Variants in SHPRH observed in about 807,000 individuals in gnomAD.
SHPRH encodes the protein E3 ubiquitin-protein ligase SHPRH.
A neutral mutation model predicts 202.5 loss-of-function variants in SHPRH; 106 were observed. The ratio of observed to expected loss-of-function variants is 0.52; its 90% CI spans 0.45 to 0.62. The LOEUF is 0.62. Ranked by LOEUF, SHPRH falls within the 20% of genes least tolerant of loss-of-function variation. The probability of loss-of-function intolerance (pLI) is 0.00; values close to 1 mark genes in which losing one functional copy is unlikely to be tolerated. For synonymous variants in SHPRH, 729 were observed against 686.0 expected, an observed-to-expected ratio of 1.06 and a Z score of -0.98; for missense variants, 1,710 against 2,020.0, an observed-to-expected ratio of 0.85 and a Z score of 2.94.
intron 5 of SHPRH, 90 bp from the exon 6 acceptor site, chr6:145,947,733 C>G (rs985337207): frequency 7.7e-5 from 111 of 1,435,548 alleles, no homozygotes; most frequent in Non-Finnish European, 1.0e-4. Context: ...GAACTGGAAG[C>G]AATGCATAAA....
At position 145,884,927 on chromosome 6, in the gene SHPRH, CA is replaced by C. The variant is rs1780868940; in HGVS notation, c.*1763del. ...GTAATTTGATTTTACAAAATTGAAG[CA>C]TATCAAATTGTTTTCTCTAAAACAT... On this transcript the variant is annotated 3_prime_UTR_variant, in exon 30 of 30. Transcript: ENST00000275233. 1 of 151,942 alleles carries C rather than the reference CA, an allele frequency of 6.6e-6. No individual in the cohort carries two copies. The highest frequency in any genetic ancestry group is 1.5e-5 in the Non-Finnish European group (1 of 67,976). 9.4% of individuals were successfully genotyped at this position (151,942 alleles called of 1,614,324 possible). A position where few individuals can be genotyped will look rare whatever the true frequency, so the allele number is the denominator to read the frequency against.
intron 2 of SHPRH, among the ~76,000 whole-genome samples, chr6:145,879,470 C>T (rs979601252): frequency 1.3e-5 from 2 of 152,114 alleles, no homozygotes; most frequent in African/African-American, 4.8e-5. Context: ...AGTTTATCTG[C>T]ACTTAAAAAA....
chr6:145,919,511 A>G lies in SHPRH; in HGVS notation c.4009-20T>C. On this transcript the variant is annotated intron_variant, in intron 21 of 29. Coordinates refer to ENST00000275233, the MANE Select transcript of SHPRH (RefSeq NM_001042683.3). ...AAGCAACTGAAGGAATAGAAAAGAC[A>G]AACACAGTGGTAAAGCATGTAATTA... 6.2e-7 allele frequency: 1 copy of G among 1,611,112 alleles called. No individual in the cohort carries two copies. The highest frequency in any genetic ancestry group is 8.5e-7 in the Non-Finnish European group (1 of 1,178,438).
rs1784711450 is a variant in SHPRH at position 145,924,686 on chromosome 6, C to CA, written c.3402+52dup. The CA allele has an allele frequency of 1.9e-6, 3 of 1,547,400 alleles. No homozygotes were observed. In the African/African-American group the frequency reaches 4.1e-5, roughly 21 times the overall value. On this transcript the variant is annotated intron_variant, in intron 17 of 29. Coordinates refer to ENST00000275233, the MANE Select transcript of SHPRH (RefSeq NM_001042683.3). ...TTCTCCCCACCAAAAAACCAAAACT[C>CA]AAAATGATATCTGGAGGCAAATACA...
intron 25 of SHPRH, 155 bp downstream of exon 25, chr6:145,910,293 A>T: frequency 1.3e-6 from 1 of 756,950 alleles, no homozygotes; most frequent in Non-Finnish European, 2.1e-6. Context: ...TTACATGGTT[A>T]AGCTGAGGCT....
intron 29 of SHPRH, among the ~76,000 whole-genome samples, chr6:145,887,529 GTTTGTT>G (rs1429000190): frequency 4.6e-5 from 6 of 130,134 alleles, no homozygotes; most frequent in African/African-American, 1.7e-4. Flanking sequence ...ACCTTAACAA[GTTTGTT>G]TTTTTTTTTT....
At chr6:145,859,887 T>G (rs1779527183), downstream of SHPRH, among the ~76,000 whole-genome samples, 1 of 152,068 alleles carries the variant, frequency 6.6e-6, no homozygotes, top group African/African-American at 2.4e-5. Context: ...AATGTGAGTA[T>G]GTTTTACAGA....
intron 26 of SHPRH, among the ~76,000 whole-genome samples, 162 bp downstream of exon 26, chr6:145,894,723 T>TTTCTCTAAAAATAATTCTATC (rs1163923300): frequency 1.3e-5 from 2 of 152,090 alleles, no homozygotes; most frequent in South Asian, 2.1e-4. Flanking sequence ...CATCATCACA[T>TTTCTCTAAAAATAATTCTATC]TTCTCTAAAA....
At chr6:145,937,756 GATCT>G (rs1308912905) in intron 11 of SHPRH, among the ~76,000 whole-genome samples, 2 of 152,114 alleles carry the variant, frequency 1.3e-5, no homozygotes, top group Non-Finnish European at 2.9e-5. Flanking sequence ...TCTGCCACAT[GATCT>G]ATTTACATTA....
intron 23 of SHPRH, among the ~76,000 whole-genome samples, chr6:145,916,175 C>T (rs1783933731): frequency 6.6e-6 from 1 of 152,050 alleles, no homozygotes; most frequent in African/African-American, 2.4e-5. Flanking sequence ...CTATAATGTT[C>T]ATTTAATCCT....
chr6:145,920,931 A>G (rs1359890370), intron 21 of SHPRH, among the ~76,000 whole-genome samples: 2 of 152,084 alleles, frequency 1.3e-5, no homozygotes, highest in African/African-American at 4.8e-5. Flanking sequence ...AAAGTTTCAT[A>G]TAAGTTCCAG....
intron 25 of SHPRH, among the ~76,000 whole-genome samples, chr6:145,900,787 C>G (rs534753163): frequency 6.6e-6 from 1 of 152,158 alleles, no homozygotes; most frequent in Admixed American, 6.6e-5. Flanking sequence ...CAATGTAAAT[C>G]TTACGTAAAT....
At chr6:145,956,893 A>C (rs1788562377) in intron 1 of SHPRH, among the ~76,000 whole-genome samples, 1 of 152,158 alleles carries the variant, frequency 6.6e-6, no homozygotes, top group Non-Finnish European at 1.5e-5. Flanking sequence ...AGAAACTGAC[A>C]ACCTGATGTT....
chr6:145,963,080 T>C (rs986942799), intron 1 of SHPRH, among the ~76,000 whole-genome samples: 4 of 152,196 alleles, frequency 2.6e-5, no homozygotes, highest in African/African-American at 9.7e-5. Context: ...GTAAACTATT[T>C]TATTCTCAAT....
intron 1 of SHPRH, 74 bp from the exon 2 acceptor site, chr6:145,955,428 T>C (rs1401757382): frequency 7.2e-7 from 1 of 1,385,098 alleles, no homozygotes; most frequent in Non-Finnish European, 9.7e-7. Context: ...GATGAGAAAT[T>C]CAGCATAAAT....
chr6:145,920,111 C>T (rs1784305797), intron 21 of SHPRH, among the ~76,000 whole-genome samples: 1 of 152,110 alleles, frequency 6.6e-6, no homozygotes, highest in African/African-American at 2.4e-5. Context: ...AATCAGTATA[C>T]ATTTTTTGAC....
intron 25 of SHPRH, among the ~76,000 whole-genome samples, chr6:145,898,431 T>C (rs1376214405): frequency 6.9e-6 from 1 of 145,868 alleles, no homozygotes; most frequent in East Asian, 2.0e-4. Context: ...GCAATCCCTA[T>C]TAAAATTCTG....
chr6:145,865,193 A>G (rs1221802638), intron 2 of SHPRH, among the ~76,000 whole-genome samples: 2 of 152,148 alleles, frequency 1.3e-5, no homozygotes, highest in African/African-American at 4.8e-5. Context: ...AAATTCAACT[A>G]TTGAAGTCCT....
At chr6:145,887,509 A>G (rs1401750757) in intron 29 of SHPRH, among the ~76,000 whole-genome samples, 1 of 149,644 alleles carries the variant, frequency 6.7e-6, no homozygotes, top group Non-Finnish European at 1.5e-5. Flanking sequence ...TTGGATTGAC[A>G]CCACAATTAA....
Sources: allele counts gnomAD v4.1 joint callset (sites outside exome capture counted in the v4.1 genomes callset), GRCh38; gene constraint gnomAD v4.1.1; transcripts MANE v1.5; gene names NCBI Gene and HGNC (gene_info 2026-07-23, HGNC 2026-07-21).